CPLANE1: variants seen among roughly 807,000 people sequenced by gnomAD.
CPLANE1 encodes the protein ciliogenesis and planar polarity effector 1.
CPLANE1 carries 263 observed loss-of-function variants against 362.5 expected under a neutral mutation model. That is an observed-to-expected ratio of 0.73 (90% confidence interval 0.66 to 0.80). CPLANE1 has a LOEUF of 0.80. Among genes scored for constraint, CPLANE1 ranks in the 30% least tolerant of loss-of-function variants. CPLANE1 has a pLI of 0.00. For synonymous variants in CPLANE1, 1,212 were observed against 1,302.6 expected (o/e 0.93, Z 1.50); for missense variants, 3,461 against 3,793.4 (o/e 0.91, Z 2.30).
chr5:37,085,966 T>C, the CPLANE1 span: 2 of 605,124 alleles, frequency 3.3e-6, no homozygotes, highest in South Asian at 2.1e-5. Context: ...AGGGACATTA[T>C]ATAATGATAA....
chr5:37,157,287 T>A, intron 41 of CPLANE1, 26 bp downstream of exon 41: 1 of 1,274,602 alleles, frequency 7.8e-7, no homozygotes, highest in Non-Finnish European at 1.1e-6. Flanking sequence ...CAGGAGAGGG[T>A]CATGCTATAC....
At chr5:37,187,653 C>T (rs2151225807) in intron 22 of CPLANE1, 80 bp downstream of exon 22, 1 of 1,549,344 alleles carries the variant, frequency 6.5e-7, no homozygotes, top group South Asian at 1.2e-5. Context: ...AGTTTTGCTA[C>T]AAACAATAAA....
chr5:37,117,413 C>T (rs1220920317), intron 50 of CPLANE1, among the ~76,000 whole-genome samples: 1 of 151,572 alleles, frequency 6.6e-6, no homozygotes, highest in African/African-American at 2.4e-5. Context: ...AAAATAACTG[C>T]TTTAGCCACC....
At chr5:37,196,500 G>A (rs1040430495) in intron 20 of CPLANE1, among the ~76,000 whole-genome samples, 1 of 152,140 alleles carries the variant, frequency 6.6e-6, no homozygotes, top group Non-Finnish European at 1.5e-5. Flanking sequence ...AAGCTGAGGG[G>A]TTGACGGGGA....
the CPLANE1 span, among the ~76,000 whole-genome samples, chr5:37,089,528 C>T: frequency 6.6e-6 from 1 of 152,074 alleles, no homozygotes; most frequent in African/African-American, 2.4e-5. Context: ...CTGGGCATGT[C>T]GAATTATCTA....
intron 35 of CPLANE1, 59 bp downstream of exon 35, chr5:37,166,988 A>G: frequency 7.5e-7 from 1 of 1,333,066 alleles, no homozygotes; most frequent in East Asian, 2.3e-5. Context: ...TGTGATTATA[A>G]ATAATAATGA....
intron 35 of CPLANE1, among the ~76,000 whole-genome samples, chr5:37,165,926 A>G (rs1778120047): frequency 6.6e-6 from 1 of 152,220 alleles, no homozygotes. Flanking sequence ...GGACAGGTTT[A>G]CACACCTTAG....
Position 37,184,978 on chromosome 5 carries a change from C to A in CPLANE1, c.4291G>T (p.Val1431Leu). The A allele has an allele frequency of 6.2e-7, 1 of 1,614,072 alleles. No individual in the cohort carries two copies. The highest frequency in any genetic ancestry group is 8.5e-7 in the Non-Finnish European group (1 of 1,179,976). ...TCTTCAATTGGTTCCCATATATTCA[C>A]TTCAAAAGAGCCTATATTTCTCTGC... is the stretch of plus-strand genomic sequence containing the variant. Reference protein sequence around the residue: ...RVQRNIGSFEVNIWEPIEEEK... With the variant: ...RVQRNIGSFELNIWEPIEEEK... The change falls in exon 25 of 53, where the codon GTG becomes TTG. Residue 1431 changes from valine to leucine, a missense_variant. Transcript: ENST00000651892.
At chr5:37,190,422 AAAC>A (rs1045218969) in intron 21 of CPLANE1, among the ~76,000 whole-genome samples, 9 of 151,740 alleles carry the variant, frequency 5.9e-5, no homozygotes, top group African/African-American at 2.2e-4. Flanking sequence ...TGAAAAAAAA[AAAC>A]AAAAAAACCA....
chr5:37,183,819 A>G (rs977406403), intron 25 of CPLANE1, 120 bp from the exon 26 acceptor site: 7 of 650,556 alleles, frequency 1.1e-5, no homozygotes, highest in African/African-American at 9.2e-5. Flanking sequence ...GTGTGCCTCA[A>G]TTACCTACAT....
At position 37,169,660 on chromosome 5, in the gene CPLANE1, T is replaced by C. The variant is rs562671810; in HGVS notation, c.6463-99A>G. ...ATGTTTTGCAGTGGGTAGAATGTAG[T>C]AACTGCTAAAAAAAAAAATTATTTA... is the stretch of plus-strand genomic sequence containing the variant. On this transcript the variant is annotated intron_variant, in intron 33 of 52. Transcript: ENST00000651892. 2.0e-5 allele frequency: 19 copies of C among 960,772 alleles called. No homozygotes were observed. In the South Asian group the frequency reaches 3.4e-4, roughly 17 times the overall value. The allele number at this position is 960,772 out of a possible 1,614,324, so 59.5% of individuals were successfully genotyped here.
intron 38 of CPLANE1, 67 bp from the exon 39 acceptor site, chr5:37,158,412 G>C: frequency 3.4e-6 from 5 of 1,458,302 alleles, no homozygotes; most frequent in Non-Finnish European, 4.6e-6. Flanking sequence ...CAAATCATCA[G>C]CTTTGTATGA....
chr5:37,105,774 A>G (rs1025649943), downstream of CPLANE1, among the ~76,000 whole-genome samples: 3 of 152,238 alleles, frequency 2.0e-5, no homozygotes, highest in African/African-American at 7.2e-5. Context: ...CATCCAGCAA[A>G]GGATTAATAA....
the CPLANE1 span, among the ~76,000 whole-genome samples, chr5:37,078,188 C>CTGAT: frequency 6.6e-6 from 1 of 152,146 alleles, no homozygotes; most frequent in African/African-American, 2.4e-5. Context: ...GCTATTCTTC[C>CTGAT]TGATTCTCTC....
At chr5:37,134,111 T>C (rs1430011931) in intron 46 of CPLANE1, among the ~76,000 whole-genome samples, 2 of 152,226 alleles carry the variant, frequency 1.3e-5, no homozygotes, top group Non-Finnish European at 2.9e-5. Context: ...ATTTTTTCCT[T>C]GGGTCTTCGC....
At chr5:37,151,941 T>C (rs1773677252) in intron 42 of CPLANE1, among the ~76,000 whole-genome samples, 2 of 152,158 alleles carry the variant, frequency 1.3e-5, no homozygotes, top group African/African-American at 4.8e-5. Flanking sequence ...TTACTTAGTA[T>C]TAATATTTTT....
chr5:37,210,672 T>C, intron 16 of CPLANE1: 2 of 1,565,776 alleles, frequency 1.3e-6, no homozygotes, highest in Non-Finnish European at 1.8e-6. Flanking sequence ...GATGAGTGAC[T>C]ATTCACTACT....
intron 46 of CPLANE1, chr5:37,138,377 C>T: frequency 2.5e-5 from 7 of 275,416 alleles, no homozygotes; most frequent in South Asian, 3.9e-5. Context: ...TTTTGTTTTC[C>T]ATTTGCATGA....
chr5:37,159,299 G>A (rs1417587932), intron 38 of CPLANE1, among the ~76,000 whole-genome samples: 1 of 148,576 alleles, frequency 6.7e-6, no homozygotes, highest in Non-Finnish European at 1.5e-5. Flanking sequence ...TTTTAGTAGA[G>A]ACGGGGTTTC....
Sources: gnomAD v4.1 joint callset for allele counts (sites outside exome capture counted in the v4.1 genomes callset) on GRCh38, gnomAD v4.1.1 for gene constraint, MANE v1.5 for transcripts, NCBI Gene and HGNC (gene_info 2026-07-23, HGNC 2026-07-21) for gene names.